The following ANKAR variants were observed in gnomAD, a reference collection of about 807,000 sequenced individuals.
ANKAR encodes ankyrin and armadillo repeat-containing protein.
Under a neutral mutation model 146.2 loss-of-function variants are expected in ANKAR, and 136 were observed. That is an observed-to-expected ratio of 0.93 (90% confidence interval 0.81 to 1.07). The LOEUF (loss-of-function observed/expected upper bound fraction) is 1.07, where lower values mean the gene tolerates loss of function less well. ANKAR is among the 50% of genes least tolerant of loss of function. The probability of loss-of-function intolerance (pLI) is 0.00; values close to 1 mark genes in which losing one functional copy is unlikely to be tolerated. For synonymous variants in ANKAR, 500 were observed against 575.8 expected, an observed-to-expected ratio of 0.87 and a Z score of 1.88; for missense variants, 1,567 against 1,679.9, an observed-to-expected ratio of 0.93 and a Z score of 1.18.
chr2:189,745,806 T>TGAG (rs564803360), intron 22 of ANKAR, among the ~76,000 whole-genome samples: 14 of 152,136 alleles, frequency 9.2e-5, no homozygotes, highest in Non-Finnish European at 1.5e-4. Context: ...AGCCAGTATA[T>TGAG]GAGGGAAGCT....
chr2:189,725,818 G>A (rs1011478014), intron 12 of ANKAR, among the ~76,000 whole-genome samples: 9 of 152,172 alleles, frequency 5.9e-5, no homozygotes, highest in Non-Finnish European at 1.0e-4. Context: ...TGAGGTGGGA[G>A]GATCGCTTGA....
chr2:189,731,987 A>G (rs1454455167), intron 16 of ANKAR, among the ~76,000 whole-genome samples: 1 of 152,190 alleles, frequency 6.6e-6, no homozygotes, highest in East Asian at 1.9e-4. Context: ...GGCATTAGCC[A>G]CCACATCTGG....
intron 17 of ANKAR, among the ~76,000 whole-genome samples, chr2:189,734,519 T>C (rs1467530491): frequency 6.6e-6 from 1 of 152,184 alleles, no homozygotes; most frequent in African/African-American, 2.4e-5. Context: ...CCTAAGGAAA[T>C]GAGAGCTATT....
In ANKAR at chr2:189,720,639, A is replaced by T. The variant is rs766825031; in HGVS notation, c.2487A>T (p.Ile829=). 5.1e-6 allele frequency: 7 copies of T among 1,363,416 alleles called. No homozygotes were observed. The South Asian group carries it at 1.5e-4, about 30-fold the overall frequency. The allele number at this position is 1,363,416 out of a possible 1,614,324, so 84.5% of individuals were successfully genotyped here. The part of the protein sequence containing the change: ...IAKYNGIPSL[I]NLLNLNIENV... Reference sequence around the variant, plus strand: ...TTTAGAATGGAATCCCAAGCCTGATAAATCTATTGAACTTAAACATAGAAA... The same window carrying T: ...TTTAGAATGGAATCCCAAGCCTGATTAATCTATTGAACTTAAACATAGAAA... Residue 829 remains isoleucine (I), a synonymous_variant, in exon 12 of 23, where the codon ATA becomes ATT. Coordinates refer to ENST00000684021, the MANE Select transcript of ANKAR (RefSeq NM_001378068.1).
chr2:189,718,184 G>T (rs894230654), intron 10 of ANKAR, among the ~76,000 whole-genome samples: 1 of 152,200 alleles, frequency 6.6e-6, no homozygotes, highest in Non-Finnish European at 1.5e-5. Flanking sequence ...TGGGCATGGT[G>T]GCCCATGCCT....
At chr2:189,762,479 A>T (rs1680770118), downstream of ANKAR, 2 of 609,982 alleles carry the variant, frequency 3.3e-6, no homozygotes, top group Non-Finnish European at 4.1e-6. Context: ...AACCTAGAGG[A>T]ATTAGATTTG....
At chr2:189,704,956 A>C (rs2038719531) in intron 7 of ANKAR, 67 bp from the exon 8 acceptor site, 1 of 1,444,118 alleles carries the variant, frequency 6.9e-7, no homozygotes, top group Non-Finnish European at 9.7e-7. Flanking sequence ...GATATCAATA[A>C]GGCATTTAGG....
intron 3 of ANKAR, among the ~76,000 whole-genome samples, chr2:189,691,878 C>T (rs185892929): frequency 2.6e-5 from 4 of 152,136 alleles, no homozygotes; most frequent in Admixed American, 2.6e-4. Context: ...ACTCTCACCT[C>T]AGCCTCCCAA....
intron 10 of ANKAR, among the ~76,000 whole-genome samples, chr2:189,715,729 T>G (rs2040376200): frequency 6.6e-6 from 1 of 152,128 alleles, no homozygotes; most frequent in African/African-American, 2.4e-5. Flanking sequence ...ACATTAAAAA[T>G]CTTATCCACC....
chr2:189,720,867 T>C, intron 12 of ANKAR, 80 bp downstream of exon 12: 1 of 1,137,590 alleles, frequency 8.8e-7, no homozygotes. Flanking sequence ...TTGTCCTATA[T>C]GAATAGATGT....
downstream of ANKAR, among the ~76,000 whole-genome samples, chr2:189,748,975 G>C (rs1235096209): frequency 2.0e-5 from 3 of 152,140 alleles, no homozygotes; most frequent in East Asian, 5.8e-4. Context: ...GGCTGGGCAT[G>C]ATGGCTCACA....
chr2:189,711,876 G>A (rs552271844), intron 10 of ANKAR, among the ~76,000 whole-genome samples: 13 of 152,320 alleles, frequency 8.5e-5, no homozygotes, highest in East Asian at 5.8e-4. Context: ...CTGAAAAAAC[G>A]GGGCATTCAT....
intron 22 of ANKAR, 77 bp downstream of exon 22, chr2:189,744,865 T>C (rs1445072849): frequency 8.2e-7 from 1 of 1,226,822 alleles, no homozygotes; most frequent in African/African-American, 1.5e-5. Context: ...TCTCTAAAAA[T>C]TCAAAATGTA....
At chr2:189,734,305 A>G (rs890987437) in intron 17 of ANKAR, among the ~76,000 whole-genome samples, 1 of 152,252 alleles carries the variant, frequency 6.6e-6, no homozygotes, top group Non-Finnish European at 1.5e-5. Flanking sequence ...CAATCTTAGC[A>G]TCCATTGATG....
intron 10 of ANKAR, among the ~76,000 whole-genome samples, chr2:189,712,788 A>G (rs2039885046): frequency 6.6e-6 from 1 of 152,218 alleles, no homozygotes. Context: ...GAGTTGACAG[A>G]AGTAGGCTTC....
downstream of ANKAR, chr2:189,762,902 G>A (rs1015835692): frequency 8.1e-6 from 8 of 985,386 alleles, no homozygotes; most frequent in Non-Finnish European, 9.6e-6. Context: ...AACGCTCTCT[G>A]TGCGCACCTG....
At position 189,741,422 on chromosome 2, in the gene ANKAR, T is replaced by C; in HGVS notation, c.3781T>C (p.Cys1261Arg). 4 of 1,611,446 alleles carry C rather than the reference T, an allele frequency of 2.5e-6. No homozygotes were observed. Among genetic ancestry groups the C allele is most frequent in the Non-Finnish European group, 3.4e-6 (4 of 1,178,628 alleles). Residue 1261 changes from cysteine (C) to arginine (R), a missense_variant, in exon 20 of 23, where the codon TGC becomes CGC. Coordinates refer to ENST00000684021, the MANE Select transcript of ANKAR (RefSeq NM_001378068.1). ...FTTLGTIQRL[C>R]YHLYSGIEEV... is the part of the protein sequence containing the mutation. ...CACATTAGGAACAATCCAACGGCTCTGCTATCATTTGTACTCGGGAATAGA... is the reference window on the plus strand; with the variant it reads ...CACATTAGGAACAATCCAACGGCTCCGCTATCATTTGTACTCGGGAATAGA...
chr2:189,719,299 C>A (rs950570116), intron 10 of ANKAR, among the ~76,000 whole-genome samples: 7 of 152,110 alleles, frequency 4.6e-5, no homozygotes, highest in Admixed American at 1.3e-4. Context: ...TTCAGTGTTT[C>A]AATGGTGGCT....
Position 189,676,851 on chromosome 2 carries a change from A to G in ANKAR, c.361A>G (p.Ser121Gly). ...IYCLNQIPSI[S>G]LEANYDQSSS... ...TTGCCTAAATCAAATCCCTTCCATC[A>G]GTTTAGAAGCTAATTATGATCAGAG... The change falls in exon 2 of 23, where the codon AGT (serine) becomes GGT (glycine). Residue 121 changes from serine (S) to glycine (G), a missense_variant. Coordinates refer to ENST00000684021, the MANE Select transcript of ANKAR (RefSeq NM_001378068.1). The G allele has an allele frequency of 1.2e-6, 2 of 1,614,210 alleles. No homozygotes were observed. The highest frequency in any genetic ancestry group is 1.7e-6 in the Non-Finnish European group (2 of 1,180,032).
Sources: gnomAD v4.1 joint callset for allele counts (sites outside exome capture counted in the v4.1 genomes callset) on GRCh38, gnomAD v4.1.1 for gene constraint, MANE v1.5 for transcripts, NCBI Gene and HGNC (gene_info 2026-07-23, HGNC 2026-07-21) for gene names.